PLK5: variants seen among roughly 807,000 people sequenced by gnomAD.
The protein encoded by PLK5 is polo like kinase 5 (inactive).
PLK5 carries 28 observed loss-of-function variants against 33.7 expected under a neutral mutation model. The observed-to-expected ratio is 0.83, with a 90% CI of 0.62 to 1.14. The LOEUF is 1.14. Among genes scored for constraint, PLK5 ranks in the 50% most tolerant of loss-of-function variants. PLK5 has a pLI of 0.00. For synonymous variants in PLK5, 225 were observed against 202.2 expected (o/e 1.11, Z -0.96); for missense variants, 492 against 461.5 (o/e 1.07, Z -0.61).
In PLK5 at chr19:1,526,728, T is replaced by G; in HGVS notation, c.-158T>G. ...GGTAACTTCTTCCTTAACAAGAACA[T>G]GGAGGTGAAGATTGGAGACCTGGGA... is the stretch of plus-strand genomic sequence containing the variant. On this transcript the variant is annotated 5_prime_UTR_variant, in exon 5 of 14. The change abolishes an upstream ATG in the 5' untranslated region. Transcript: ENST00000454744. The G allele has an allele frequency of 7.6e-6, 4 of 524,644 alleles. No individual in the cohort carries two copies. Among genetic ancestry groups the G allele is most frequent in the East Asian group, 3.5e-5 (1 of 28,668 alleles). The allele number at this position is 524,644 out of a possible 1,614,324, so 32.5% of individuals were successfully genotyped here. A position where few individuals can be genotyped will look rare whatever the true frequency, so the allele number is the denominator to read the frequency against.
intron 13 of PLK5, among the ~76,000 whole-genome samples, chr19:1,534,791 T>G (rs527378794): frequency 8.7e-5 from 13 of 150,258 alleles, no homozygotes; most frequent in African/African-American, 2.5e-4. Flanking sequence ...CACTCCAGCC[T>G]GGGTGACAGA....
chr19:1,535,308 T>G lies in PLK5; in HGVS notation c.*58T>G. ...GTAGTGCCAGGGACCCAGGCTCCATTTCCATTCCTGTGGCTCCCCCAGAGG... is the reference window on the plus strand; with the variant it reads ...GTAGTGCCAGGGACCCAGGCTCCATGTCCATTCCTGTGGCTCCCCCAGAGG... On this transcript the variant is annotated 3_prime_UTR_variant, in exon 14 of 14. Coordinates refer to ENST00000454744, the MANE Select transcript of PLK5 (RefSeq NM_001243079.2). The G allele has an allele frequency of 6.8e-7, 1 of 1,476,942 alleles. No individual in the cohort carries two copies. The highest frequency in any genetic ancestry group is 9.0e-7 in the Non-Finnish European group (1 of 1,113,466). The allele number at this position is 1,476,942 out of a possible 1,614,324, so 91.5% of individuals were successfully genotyped here. A position where few individuals can be genotyped will look rare whatever the true frequency, so the allele number is the denominator to read the frequency against.
chr19:1,532,833 A>C (rs1221894169), intron 12 of PLK5, among the ~76,000 whole-genome samples: 1 of 146,008 alleles, frequency 6.8e-6, no homozygotes, highest in Non-Finnish European at 1.5e-5. Flanking sequence ...CTCCTGGCTA[A>C]TTTTTTGTAT....
At chr19:1,530,384 C>T (rs1212566010) in intron 11 of PLK5, among the ~76,000 whole-genome samples, 1 of 152,034 alleles carries the variant, frequency 6.6e-6, no homozygotes, top group African/African-American at 2.4e-5. Flanking sequence ...ACAACCTCCA[C>T]CTCCTGGGTT....
rs1913758110 is a variant in PLK5 at position 1,526,935 on chromosome 19, C to T, written c.-62C>T. On this transcript the variant is annotated 5_prime_UTR_variant, in exon 6 of 14. Transcript: ENST00000454744. ...TGTGGGACCCCTAACTTCCTGGACC[C>T]TGAGGTTGTCTCCAGAAACGGTCAC... 5 of 1,532,246 alleles carry T rather than the reference C, an allele frequency of 3.3e-6. No homozygotes were observed. The Admixed American group carries it at 9.8e-5, about 30-fold the overall frequency. 94.9% of individuals were successfully genotyped at this position (1,532,246 alleles called of 1,614,324 possible). A position where few individuals can be genotyped will look rare whatever the true frequency, so the allele number is the denominator to read the frequency against.
Position 1,535,470 on chromosome 19 carries a change from CCT to C in PLK5, c.*225_*226del. ...TTGAAATGCTGTAGGCCATGGTCTGCCTCTCTTTGGGGGAAAGCGTTTGAGGA... is the reference window on the plus strand; with the variant it reads ...TTGAAATGCTGTAGGCCATGGTCTGCCTCTTTGGGGGAAAGCGTTTGAGGA... On this transcript the variant is annotated 3_prime_UTR_variant, in exon 14 of 14. Transcript: ENST00000454744. 3.6e-6 allele frequency: 2 copies of C among 549,706 alleles called. No homozygotes were observed. The highest frequency in any genetic ancestry group is 6.2e-6 in the Non-Finnish European group (2 of 324,528). 34.1% of individuals were successfully genotyped at this position (549,706 alleles called of 1,614,324 possible). A position where few individuals can be genotyped will look rare whatever the true frequency, so the allele number is the denominator to read the frequency against.
In PLK5 at chr19:1,528,373, G is replaced by C; in HGVS notation, c.273G>C (p.Leu91=). The C allele has an allele frequency of 1.3e-6, 2 of 1,534,592 alleles. No individual in the cohort carries two copies. The highest frequency in any genetic ancestry group is 1.2e-5 in the South Asian group (1 of 84,018). ...CCATCTTCGCCATACCCCCGCCTCTGGGCAGGATCTTCCGGAAGGTGGGCC... is the reference window on the plus strand; with the variant it reads ...CCATCTTCGCCATACCCCCGCCTCTCGGCAGGATCTTCCGGAAGGTGGGCC... ...SPPIFAIPPP[L]GRIFRKVGQR... Residue 91 remains leucine, a synonymous_variant, in exon 8 of 14, where the codon CTG becomes CTC. Transcript: ENST00000454744.
Position 1,526,080 on chromosome 19 carries a change from C to T in PLK5, c.-313+369C>T, listed in dbSNP as rs148901005. On this transcript the variant is annotated intron_variant, in intron 3 of 13. Transcript: ENST00000454744. ...CCTACCTGTGGTCACCTGCGCCCCT[C>T]CTGCACCCTGCTGTGCCCACCGTGG... 8.5e-5 allele frequency among the ~76,000 whole-genome samples: 13 copies of T among 152,346 alleles called. No individual in the cohort carries two copies. In the South Asian group the frequency reaches 2.5e-3, roughly 29 times the overall value.
Position 1,529,550 on chromosome 19 carries a change from C to CG in PLK5, c.490+60_490+61insG, listed in dbSNP as rs1913864708. On this transcript the variant is annotated intron_variant, in intron 10 of 13. Coordinates refer to ENST00000454744, the MANE Select transcript of PLK5 (RefSeq NM_001243079.2). ...GTGGGGAGGGAGGAATTACAAGTGACAGGGGGACCAAGGCCGTGGCTTACC... is the reference window on the plus strand; with the variant it reads ...GTGGGGAGGGAGGAATTACAAGTGACGAGGGGGACCAAGGCCGTGGCTTACC... 8.0e-6 allele frequency: 12 copies of CG among 1,494,130 alleles called. No homozygotes were observed. The East Asian group carries it at 2.5e-4, about 31-fold the overall frequency. 92.6% of individuals were successfully genotyped at this position (1,494,130 alleles called of 1,614,324 possible). A position where few individuals can be genotyped will look rare whatever the true frequency, so the allele number is the denominator to read the frequency against.
Position 1,524,657 on chromosome 19 carries a change from CTGT to C in PLK5, c.-544+416_-544+418del, listed in dbSNP as rs201132997. On this transcript the variant is annotated intron_variant, in intron 1 of 13. Transcript: ENST00000454744. This position sits in a 1 kb window ranked among gnomAD's most constrained non-coding sequence, Gnocchi z 4.5. ...TCTGGGTGTTGTGTTGCTTGTTCAC[CTGT>C]TGTTTGTGCGTCATGCCTTTGTGTG... Among the ~76,000 whole-genome samples the C allele has an allele frequency of 0.055, 8,359 of 150,870 alleles. 766 individuals are homozygous for C. The highest frequency in any genetic ancestry group is 0.19 in the African/African-American group (7,852 of 41,008).
chr19:1,532,010 A>C, intron 12 of PLK5, 127 bp downstream of exon 12: 1 of 1,077,338 alleles, frequency 9.3e-7, no homozygotes, highest in Non-Finnish European at 1.2e-6. Flanking sequence ...GTCGGGGAGA[A>C]CAACACTAAA....
intron 8 of PLK5, 22 bp from the exon 9 acceptor site, chr19:1,528,876 C>G: frequency 6.7e-7 from 1 of 1,493,060 alleles, no homozygotes; most frequent in Non-Finnish European, 8.9e-7. Context: ...GTGCCCCCTC[C>G]AAGGCCTTGT....
chr19:1,535,050 T>C lies in PLK5; in HGVS notation c.826-15T>C, dbSNP rs2145551047. 1 of 1,518,592 alleles carries C rather than the reference T, an allele frequency of 6.6e-7. No homozygotes were observed. The highest frequency in any genetic ancestry group is 8.8e-7 in the Non-Finnish European group (1 of 1,138,762). The allele number at this position is 1,518,592 out of a possible 1,614,324, so 94.1% of individuals were successfully genotyped here. On this transcript the variant is annotated splice_polypyrimidine_tract_variant and intron_variant, in intron 13 of 13. Coordinates refer to ENST00000454744, the MANE Select transcript of PLK5 (RefSeq NM_001243079.2). Reference sequence around the variant, plus strand: ...GGTACCCGTCTCCCCTTGACTGGTATCTTACCCTTTGCAGGTGAGCTTCAG... The same window carrying C: ...GGTACCCGTCTCCCCTTGACTGGTACCTTACCCTTTGCAGGTGAGCTTCAG...
chr19:1,528,889 C>T lies in PLK5; in HGVS notation c.329-9C>T. The T allele has an allele frequency of 6.7e-7, 1 of 1,501,404 alleles. No homozygotes were observed. The allele number at this position is 1,501,404 out of a possible 1,614,324, so 93.0% of individuals were successfully genotyped here. On this transcript the variant is annotated splice_polypyrimidine_tract_variant and intron_variant, in intron 8 of 13. Transcript: ENST00000454744. Reference sequence around the variant, plus strand: ...CTGTGCCCCCTCCAAGGCCTTGTGCCTCCCTCAGGCCCCTTCACGCCTAAA... The same window carrying T: ...CTGTGCCCCCTCCAAGGCCTTGTGCTTCCCTCAGGCCCCTTCACGCCTAAA...
In PLK5 at chr19:1,528,003, C is replaced by A. The variant is rs773279059; in HGVS notation, c.70C>A (p.Arg24Ser). Reference sequence around the variant, plus strand: ...CCTGTCGGAGATGTACCAAAACATCCGTGAGGGCCACTACCCCGAACCCGC... The same window carrying A: ...CCTGTCGGAGATGTACCAAAACATCAGTGAGGGCCACTACCCCGAACCCGC... ...SPLSEMYQNIREGHYPEPAHL... is the reference protein window; with the variant it reads ...SPLSEMYQNISEGHYPEPAHL... Residue 24 changes from arginine (R) to serine (S), a missense_variant, in exon 7 of 14, where the codon CGT (arginine) becomes AGT (serine). Arg to Ser is a moderately radical substitution (Grantham distance 110). Coordinates refer to ENST00000454744, the MANE Select transcript of PLK5 (RefSeq NM_001243079.2). 6.5e-7 allele frequency: 1 copy of A among 1,536,128 alleles called. No homozygotes were observed.
At position 1,524,593 on chromosome 19, in the gene PLK5, C is replaced by T. The variant is rs1599301342; in HGVS notation, c.-544+347C>T. Among the ~76,000 whole-genome samples the T allele has an allele frequency of 7.9e-6, 1 of 126,078 alleles. No homozygotes were observed. The highest frequency in any genetic ancestry group is 2.3e-4 in the East Asian group (1 of 4,264). The allele number at this position is 126,078 out of a possible 152,430, so 82.7% of individuals were successfully genotyped here. On this transcript the variant is annotated intron_variant, in intron 1 of 13. Transcript: ENST00000454744. The surrounding 1 kb of genome is among the most constrained non-coding windows in gnomAD (Gnocchi z 4.5). Reference sequence around the variant, plus strand: ...TGCTTCCAAGTGTCTGGGTGCTGTGCGGTGTTCGTGTGTGTGTGTGTGTGT... The same window carrying T: ...TGCTTCCAAGTGTCTGGGTGCTGTGTGGTGTTCGTGTGTGTGTGTGTGTGT...
rs1335199065 is a variant in PLK5 at position 1,524,795 on chromosome 19, CTG to C, written c.-543-506_-543-505del. Reference sequence around the variant, plus strand: ...GAGTTGTGTGTTCATGTGTTTGTATCTGTGTCTTTGTCCATGTGTTGTACTGT... The same window carrying C: ...GAGTTGTGTGTTCATGTGTTTGTATCTGTCTTTGTCCATGTGTTGTACTGT... On this transcript the variant is annotated intron_variant, in intron 1 of 13. Coordinates refer to ENST00000454744, the MANE Select transcript of PLK5 (RefSeq NM_001243079.2). This position sits in a 1 kb window ranked among gnomAD's most constrained non-coding sequence, Gnocchi z 4.5. 4.0e-5 allele frequency among the ~76,000 whole-genome samples: 6 copies of C among 151,660 alleles called. No individual in the cohort carries two copies. The highest frequency in any genetic ancestry group is 3.9e-4 in the East Asian group (2 of 5,144).
rs1309248316 is a variant in PLK5 at position 1,533,947 on chromosome 19, C to T, written c.731C>T (p.Thr244Ile). The T allele has an allele frequency of 6.5e-7, 1 of 1,534,400 alleles. No individual in the cohort carries two copies. Among genetic ancestry groups the T allele is most frequent in the Non-Finnish European group, 8.7e-7 (1 of 1,146,682 alleles). Residue 244 changes from threonine to isoleucine, a missense_variant, in exon 13 of 14, where the codon ACA becomes ATA. Coordinates refer to ENST00000454744, the MANE Select transcript of PLK5 (RefSeq NM_001243079.2). ...TGTCCACAGGAGGGGACCCTCCCCA[C>T]ACCTGTGCCACCTGCTGGACCCGGC... ...ATPRREGTLP[T>I]PVPPAGPGLC...
In PLK5 at chr19:1,533,580, A is replaced by C. The variant is rs1416633373; in HGVS notation, c.715-351A>C. ...CAGCTGAGGTGAAGAGAGGACAGAG[A>C]GCCGCACTGGGCATATGGATAAGGT... On this transcript the variant is annotated intron_variant, in intron 12 of 13. Transcript: ENST00000454744. 2.5e-5 allele frequency: 12 copies of C among 485,174 alleles called. No homozygotes were observed. The East Asian group carries it at 3.0e-4, about 12-fold the overall frequency. The allele number at this position is 485,174 out of a possible 1,614,324, so 30.1% of individuals were successfully genotyped here.
Sources: allele counts gnomAD v4.1 joint callset (sites outside exome capture counted in the v4.1 genomes callset), GRCh38; gene constraint gnomAD v4.1.1; non-coding constraint Gnocchi (gnomAD v3.1); transcripts MANE v1.5; gene names NCBI Gene and HGNC (gene_info 2026-07-23, HGNC 2026-07-21).